Variants in PIGS observed in about 807,000 individuals in gnomAD.
PIGS encodes phosphatidylinositol glycan anchor biosynthesis class S.
A neutral mutation model predicts 58.2 loss-of-function variants in PIGS; 37 were observed. The observed-to-expected ratio is 0.64, with a 90% CI of 0.49 to 0.84. PIGS has a LOEUF of 0.84. Ranked by LOEUF, PIGS falls within the 40% of genes least tolerant of loss-of-function variation. The pLI is 0.00. For synonymous variants in PIGS, 269 were observed against 289.2 expected (o/e 0.93, Z 0.71); for missense variants, 629 against 710.8 (o/e 0.88, Z 1.31).
Position 28,560,136 on chromosome 17 carries a change from G to A in PIGS, c.732C>T (p.Tyr244=), listed in dbSNP as rs1314510884. 3 of 1,613,080 alleles carry A rather than the reference G, an allele frequency of 1.9e-6. No homozygotes were observed. The South Asian group carries it at 3.3e-5, about 18-fold the overall frequency. The change falls in exon 7 of 12, where the codon TAC becomes TAT. Residue 244 remains tyrosine (Y), a synonymous_variant. Transcript: ENST00000308360. ...LNPDPKSHDV[Y]WDIEGAVRRY... ...GCCGGACAGCCCCCTCAATGTCCCA[G>A]TAGACATCATGGGACTTGGGGTCTG... is the stretch of plus-strand genomic sequence containing the variant.
At chr17:28,561,844 A>G (rs938020275) in intron 5 of PIGS, 8 of 541,524 alleles carry the variant, frequency 1.5e-5, no homozygotes, top group African/African-American at 1.3e-4. Context: ...CCCAGTTGAC[A>G]TGGGTCCAGG....
intron 6 of PIGS, 31 bp from the exon 7 acceptor site, chr17:28,560,222 G>A: frequency 1.2e-6 from 2 of 1,601,960 alleles, no homozygotes; most frequent in South Asian, 1.1e-5. Context: ...GAAGTCAGAG[G>A]CTCTTGTGGA....
chr17:28,557,103 T>C, intron 8 of PIGS, 131 bp from the exon 9 acceptor site: 1 of 916,058 alleles, frequency 1.1e-6, no homozygotes, highest in Non-Finnish European at 1.7e-6. Flanking sequence ...GATATCCTCC[T>C]GTCCAGGGTG....
Position 28,571,119 on chromosome 17 carries a change from C to T in PIGS, c.104G>A (p.Trp35Ter), listed in dbSNP as rs1268869311. The T allele has an allele frequency of 1.2e-6, 2 of 1,614,016 alleles. No individual in the cohort carries two copies. Among genetic ancestry groups the T allele is most frequent in the South Asian group, 2.2e-5 (2 of 91,086 alleles). The change falls in exon 2 of 12, where the codon TGG becomes TAG. Residue 35 changes from tryptophan (W) to a stop codon, truncating the protein, a stop_gained. Transcript: ENST00000308360. LOFTEE classifies it high-confidence loss of function. ...CCGGTAGGTCTCCGTGGTCTTCCAC[C>T]AGAGCGGTAGCCCCAGCACGATGGC... Reference protein sequence around the residue: ...AVAIVLGLPLWWKTTETYRAS... With the variant: ...AVAIVLGLPL
chr17:28,560,390 T>C (rs2070356313), intron 6 of PIGS, 199 bp from the exon 7 acceptor site: 1 of 577,928 alleles, frequency 1.7e-6, no homozygotes, highest in Admixed American at 3.5e-5. Context: ...ATGTCTGTAA[T>C]CCCAGCACTT....
intron 6 of PIGS, 159 bp from the exon 7 acceptor site, chr17:28,560,350 G>C: frequency 1.2e-6 from 1 of 859,594 alleles, no homozygotes; most frequent in East Asian, 2.8e-5. Flanking sequence ...GGAACACTGA[G>C]TAAGAAAAAG....
At chr17:28,571,324 C>G in intron 1 of PIGS, 136 bp from the exon 2 acceptor site, 1 of 1,516,262 alleles carries the variant, frequency 6.6e-7, no homozygotes, top group Non-Finnish European at 8.9e-7. Flanking sequence ...GGACCCGGCC[C>G]AAGCCTGAAG....
chr17:28,556,485 C>A, intron 9 of PIGS: 1 of 721,640 alleles, frequency 1.4e-6, no homozygotes, highest in South Asian at 1.4e-5. Context: ...TTTTTCTTAT[C>A]CCATTTTAGA....
In PIGS at chr17:28,563,329, A is replaced by G; in HGVS notation, c.468+102T>C. On this transcript the variant is annotated intron_variant, in intron 5 of 11. Coordinates refer to ENST00000308360, the MANE Select transcript of PIGS (RefSeq NM_033198.4). Reference sequence around the variant, plus strand: ...AATTTTTTTTTGGAGAGTTTTCTGTAGCAAATGGAAGAAATGGGTAGCAAT... The same window carrying G: ...AATTTTTTTTTGGAGAGTTTTCTGTGGCAAATGGAAGAAATGGGTAGCAAT... 4 of 1,031,126 alleles carry G rather than the reference A, an allele frequency of 3.9e-6. No individual in the cohort carries two copies. The South Asian group carries it at 5.6e-5, about 14-fold the overall frequency. 63.9% of individuals were successfully genotyped at this position (1,031,126 alleles called of 1,614,324 possible). A position where few individuals can be genotyped will look rare whatever the true frequency, so the allele number is the denominator to read the frequency against.
In PIGS at chr17:28,556,205, T is replaced by A; in HGVS notation, c.1142A>T (p.Asp381Val). Residue 381 changes from aspartate (D) to valine (V), a missense_variant, in exon 10 of 12, where the codon GAC becomes GTC. Transcript: ENST00000308360. Reference sequence around the variant, plus strand: ...GAACACCTCCATCACTCGCACCATGTCCACCTCGACTCTCACTGGCAGCAC... The same window carrying A: ...GAACACCTCCATCACTCGCACCATGACCACCTCGACTCTCACTGGCAGCAC... ...ASVLPVRVEV[D>V]MVRVMEVFLA... 1 of 1,614,050 alleles carries A rather than the reference T, an allele frequency of 6.2e-7. No homozygotes were observed. The highest frequency in any genetic ancestry group is 1.3e-5 in the African/African-American group (1 of 75,020).
chr17:28,555,608 C>G (rs1343407319), intron 10 of PIGS: 1 of 167,728 alleles, frequency 6.0e-6, no homozygotes, highest in East Asian at 1.8e-4. Flanking sequence ...TAAGAATTAA[C>G]AGCTATTTTC....
intron 5 of PIGS, among the ~76,000 whole-genome samples, chr17:28,562,568 G>A (rs1357967811): frequency 2.6e-5 from 4 of 151,946 alleles, no homozygotes; most frequent in Non-Finnish European, 4.4e-5. Flanking sequence ...CGAGTAGCTG[G>A]GACTACAGGC....
At chr17:28,562,726 A>G (rs2070371016) in intron 5 of PIGS, among the ~76,000 whole-genome samples, 1 of 137,922 alleles carries the variant, frequency 7.3e-6, no homozygotes, top group Admixed American at 7.4e-5. Flanking sequence ...GTGCCACCGC[A>G]CCCGGCCGAT....
chr17:28,555,422 A>C, intron 10 of PIGS: 1 of 271,440 alleles, frequency 3.7e-6, no homozygotes. Context: ...CTTAGCATTA[A>C]GGGATGATCC....
chr17:28,557,284 A>G, intron 8 of PIGS: 1 of 309,164 alleles, frequency 3.2e-6, no homozygotes, highest in Non-Finnish European at 6.0e-6. Context: ...AGATAGTTTT[A>G]TGCAAACCAG....
In PIGS at chr17:28,570,960, G is replaced by A. The variant is rs1176047833; in HGVS notation, c.178C>T (p.Arg60Cys). Residue 60 changes from arginine to cysteine, a missense_variant, in exon 3 of 12, where the codon CGC becomes TGC. Physicochemically the swap from Arg to Cys is radical, Grantham distance 180 (BLOSUM62 -3). Transcript: ENST00000308360. ...QISGLNALQL[R>C]LMVPVTVVFT... is the part of the protein sequence containing the mutation. ...ACGACAGTGACAGGCACCATGAGGC[G>A]GAGCTACAGGAAGGAGCATCAGGGC... is the stretch of plus-strand genomic sequence containing the variant. The A allele has an allele frequency of 6.2e-7, 1 of 1,614,244 alleles. No homozygotes were observed. The highest frequency in any genetic ancestry group is 8.5e-7 in the Non-Finnish European group (1 of 1,180,046).
intron 3 of PIGS, among the ~76,000 whole-genome samples, chr17:28,568,231 T>C (rs1332754545): frequency 6.6e-6 from 1 of 152,070 alleles, no homozygotes; most frequent in Non-Finnish European, 1.5e-5. Flanking sequence ...GCCTCCCAAG[T>C]AGCTGGGATT....
chr17:28,556,957 GAGGC>G lies in PIGS; in HGVS notation c.946_949del (p.Ala316ProfsTer60), dbSNP rs770411702. 1.9e-6 allele frequency: 3 copies of G among 1,614,006 alleles called. No homozygotes were observed. Among genetic ancestry groups the G allele is most frequent in the Non-Finnish European group, 2.5e-6 (3 of 1,180,022 alleles). On this transcript the variant is annotated frameshift_variant, in exon 9 of 12. Transcript: ENST00000308360. LOFTEE classifies it high-confidence loss of function. ...TAGAAAGTTGAGCACAGGGTACAAG[GAGGC>G]AGCACTGGATCCTGTGGTATAAAGG...
At chr17:28,570,448 T>C (rs567684311) in intron 3 of PIGS, among the ~76,000 whole-genome samples, 1 of 152,272 alleles carries the variant, frequency 6.6e-6, no homozygotes, top group African/African-American at 2.4e-5. Context: ...GAGGCAGAGG[T>C]TGCAGTGAGC....
Sources: allele counts gnomAD v4.1 joint callset (sites outside exome capture counted in the v4.1 genomes callset), GRCh38; gene constraint gnomAD v4.1.1; transcripts MANE v1.5; gene names NCBI Gene and HGNC (gene_info 2026-07-23, HGNC 2026-07-21).